PDIA6: variants seen among roughly 807,000 people sequenced by gnomAD.
The protein encoded by PDIA6 is protein disulfide-isomerase A6.
A neutral mutation model predicts 58.4 loss-of-function variants in PDIA6; 29 were observed. The observed-to-expected ratio is 0.50, with a 90% confidence interval of 0.37 to 0.68. The LOEUF is 0.68. Ranked by LOEUF, PDIA6 falls within the 30% of genes least tolerant of loss-of-function variation. The pLI is 0.00. For missense variants in PDIA6, 480 were observed against 551.0 expected (o/e 0.87, Z 1.29); for synonymous variants, 192 against 202.6 (o/e 0.95, Z 0.44).
chr2:10,812,486 G>A (rs576545377), intron 1 of PDIA6, among the ~76,000 whole-genome samples, 192 bp downstream of exon 1: 23 of 151,824 alleles, frequency 1.5e-4, no homozygotes, highest in African/African-American at 4.3e-4. Context: ...ACGGGCGCCC[G>A]AGTCTCCCGC....
At chr2:10,809,026 C>T (rs1666885027) in intron 1 of PDIA6, among the ~76,000 whole-genome samples, 1 of 152,110 alleles carries the variant, frequency 6.6e-6, no homozygotes, top group Non-Finnish European at 1.5e-5. Context: ...CCAGGCTGGT[C>T]TTGAACTCCT....
chr2:10,829,544 G>T lies in PDIA6; in HGVS notation c.-48+2658C>A, dbSNP rs115192489. 4.4e-4 allele frequency among the ~76,000 whole-genome samples: 67 copies of T among 152,276 alleles called. 1 individual carries two copies. Among genetic ancestry groups the T allele is most frequent in the African/African-American group, 1.5e-3 (61 of 41,550 alleles). On this transcript the variant is annotated intron_variant, in intron 1 of 13. Coordinates refer to the PDIA6 transcript ENST00000381611. Reference sequence around the variant, plus strand: ...GCCCTTGTTAGAAGGCACGGTGTTGGGGGGTGGAGATTAGAAACAATTTTT... The same window carrying T: ...GCCCTTGTTAGAAGGCACGGTGTTGTGGGGTGGAGATTAGAAACAATTTTT...
chr2:10,811,780 C>T (rs1379631031), intron 1 of PDIA6, among the ~76,000 whole-genome samples: 1 of 152,204 alleles, frequency 6.6e-6, no homozygotes, highest in African/African-American at 2.4e-5. Context: ...ATTCCTAAGA[C>T]GCCGCGTTCC....
intron 1 of PDIA6, chr2:10,810,459 G>C: frequency 7.4e-7 from 1 of 1,345,798 alleles, no homozygotes; most frequent in Middle Eastern, 2.1e-4. Context: ...TTCACCTTAG[G>C]AATGTCCTTC....
chr2:10,831,102 C>T (rs563530824), intron 1 of PDIA6, among the ~76,000 whole-genome samples: 2 of 152,174 alleles, frequency 1.3e-5, no homozygotes, highest in Non-Finnish European at 2.9e-5. Flanking sequence ...TCTCTCTTTC[C>T]GGGATTCCTT....
chr2:10,814,425 C>T (rs1258045416), upstream of PDIA6, among the ~76,000 whole-genome samples: 2 of 152,218 alleles, frequency 1.3e-5, no homozygotes, highest in African/African-American at 4.8e-5. Flanking sequence ...GGAAGCCCAA[C>T]CGGTGATCGC....
Position 10,790,842 on chromosome 2 carries a change from A to G in PDIA6, c.585-9T>C, listed in dbSNP as rs759795149. 5.6e-6 allele frequency: 9 copies of G among 1,601,618 alleles called. No homozygotes were observed. The African/African-American group carries it at 1.1e-4, about 19-fold the overall frequency. On this transcript the variant is annotated splice_polypyrimidine_tract_variant and intron_variant, in intron 6 of 12. Coordinates refer to ENST00000272227, the MANE Select transcript of PDIA6 (RefSeq NM_005742.4). ...CCCACTCTGGCTCTAGGCTATAGAA[A>G]AATATTCGTTTTGTTTTGTTTCTTT...
intron 1 of PDIA6, chr2:10,810,300 G>C (rs1553340404): frequency 1.3e-6 from 2 of 1,534,732 alleles, no homozygotes; most frequent in South Asian, 2.4e-5. Flanking sequence ...GAGAATGCAG[G>C]GGTATAATCC....
upstream of PDIA6, among the ~76,000 whole-genome samples, chr2:10,833,046 T>TG (rs1051330576): frequency 1.3e-5 from 2 of 151,906 alleles, no homozygotes; most frequent in African/African-American, 4.8e-5. Flanking sequence ...CAGATGATAT[T>TG]GGGGCATGGA....
At chr2:10,819,528 T>C (rs1005577653) in intron 1 of PDIA6, among the ~76,000 whole-genome samples, 1 of 152,238 alleles carries the variant, frequency 6.6e-6, no homozygotes, top group Non-Finnish European at 1.5e-5. Context: ...AAGCACAGAC[T>C]GTTATAAACT....
At chr2:10,813,624 C>CCT (rs1273094761), upstream of PDIA6, among the ~76,000 whole-genome samples, 1 of 150,688 alleles carries the variant, frequency 6.6e-6, no homozygotes, top group East Asian at 2.0e-4. Context: ...CCACGCCCGG[C>CCT]AAAAGTAAAA....
intron 1 of PDIA6, among the ~76,000 whole-genome samples, chr2:10,819,922 G>C (rs567286695): frequency 6.6e-6 from 1 of 152,176 alleles, no homozygotes; most frequent in Non-Finnish European, 1.5e-5. Context: ...GCCTCTGCTG[G>C]TCTGCAGGTT....
chr2:10,806,649 A>AGAAAGAAAGAAAGAAAGAAGGAAGGAAGG (rs1283823871), intron 1 of PDIA6, among the ~76,000 whole-genome samples: 1 of 134,184 alleles, frequency 7.5e-6, no homozygotes, highest in Admixed American at 7.6e-5. Flanking sequence ...AAAGAAAGAA[A>AGAAAGAAAGAAAGAAAGAAGGAAGGAAGG]AACGTTACAG....
intron 11 of PDIA6, among the ~76,000 whole-genome samples, chr2:10,786,221 G>A (rs1665739600): frequency 6.6e-6 from 1 of 152,068 alleles, no homozygotes; most frequent in Non-Finnish European, 1.5e-5. Flanking sequence ...TACTCAGGAG[G>A]CTGAGGCAGG....
intron 1 of PDIA6, chr2:10,820,810 C>A: frequency 1.4e-6 from 1 of 703,026 alleles, no homozygotes; most frequent in Admixed American, 2.0e-5. Context: ...GGGACCTCAA[C>A]TGGGGCCAGT....
chr2:10,793,241 T>G (rs1309879995), intron 4 of PDIA6, 39 bp from the exon 5 acceptor site: 1 of 1,420,626 alleles, frequency 7.0e-7, no homozygotes. Context: ...CAGCCCGGCC[T>G]TCAGCAAGTG....
rs115332173 is a variant in PDIA6, at chr2:10,785,421, G to A, written c.1158-391C>T. ...AGAGGGAGCATATCAGAAGTGAGGCGACTGGTTCCAGTGCGCTGGCAGAGA... is the reference window on the plus strand; with the variant it reads ...AGAGGGAGCATATCAGAAGTGAGGCAACTGGTTCCAGTGCGCTGGCAGAGA... On this transcript the variant is annotated intron_variant, in intron 11 of 12. Coordinates refer to ENST00000272227, the MANE Select transcript of PDIA6 (RefSeq NM_005742.4). Among the ~76,000 whole-genome samples the A allele has an allele frequency of 4.0e-3, 608 of 152,324 alleles. 6 individuals carry two copies. Among genetic ancestry groups the A allele is most frequent in the African/African-American group, 0.014 (586 of 41,558 alleles).
At chr2:10,791,099 G>A (rs1666015068) in intron 6 of PDIA6, among the ~76,000 whole-genome samples, 1 of 151,882 alleles carries the variant, frequency 6.6e-6, no homozygotes, top group Admixed American at 6.6e-5. Context: ...CACCTCACCA[G>A]GCCAAATACT....
chr2:10,786,094 G>C (rs1403318583), intron 11 of PDIA6, among the ~76,000 whole-genome samples: 1 of 152,064 alleles, frequency 6.6e-6, no homozygotes, highest in African/African-American at 2.4e-5. Context: ...AGGCTGAGGT[G>C]GGTGGATCAC....
Sources: allele counts gnomAD v4.1 joint callset (sites outside exome capture counted in the v4.1 genomes callset), GRCh38; gene constraint gnomAD v4.1.1; transcripts MANE v1.5; gene names NCBI Gene and HGNC (gene_info 2026-07-23, HGNC 2026-07-21).